Variants in HDAC4 observed in about 807,000 individuals in gnomAD.
The protein encoded by HDAC4 is histone deacetylase 4, also known as histone deacetylase A.
Under a neutral mutation model 135.1 loss-of-function variants are expected in HDAC4, and 16 were observed. That is an observed-to-expected ratio of 0.12 (90% CI 0.08 to 0.18). The LOEUF is 0.18. HDAC4 is among the 10% of genes least tolerant of loss of function. HDAC4 has a pLI of 1.00. For missense variants in HDAC4, 1,143 were observed against 1,511.8 expected, an observed-to-expected ratio of 0.76 and a Z score of 4.05; for synonymous variants, 685 against 653.4, an observed-to-expected ratio of 1.05 and a Z score of -0.74.
chr2:239,146,840 C>A lies in HDAC4; in HGVS notation c.734-2126G>T, dbSNP rs2041799261. Among the ~76,000 whole-genome samples the A allele has an allele frequency of 6.6e-6, 1 of 152,004 alleles. No homozygotes were observed. Among genetic ancestry groups the A allele is most frequent in the Admixed American group, 6.5e-5 (1 of 15,270 alleles). ...TGTCTTCCTCACAGCAGCCTTCTCA[C>A]CATCTGGAATTCTTCTGTCCCCTCA... is the stretch of plus-strand genomic sequence containing the variant. On this transcript the variant is annotated intron_variant, in intron 7 of 26. Transcript: ENST00000543185. The surrounding 1 kb of genome is among the most constrained non-coding windows in gnomAD (Gnocchi z 4.5).
chr2:239,204,669 T>TC (rs2045942310), intron 3 of HDAC4, among the ~76,000 whole-genome samples: 1 of 152,044 alleles, frequency 6.6e-6, no homozygotes, highest in Admixed American at 6.5e-5. Context: ...GGACCAGGCG[T>TC]CCCGGGCCTG....
In HDAC4 at chr2:239,303,888, G is replaced by A. The variant is rs1051638929; in HGVS notation, c.22+48790C>T. Among the ~76,000 whole-genome samples, 7 of 152,218 alleles carry A rather than the reference G, an allele frequency of 4.6e-5. No individual in the cohort carries two copies. The highest frequency in any genetic ancestry group is 2.1e-4 in the South Asian group (1 of 4,814). On this transcript the variant is annotated intron_variant, in intron 2 of 26. Transcript: ENST00000543185. The surrounding 1 kb of genome is among the most constrained non-coding windows in gnomAD (Gnocchi z 5.1). Reference sequence around the variant, plus strand: ...CCACCAGACCCTACAGGCCTGCCCCGTGGCCCTGGGAATGCTTGGCACCAA... The same window carrying A: ...CCACCAGACCCTACAGGCCTGCCCCATGGCCCTGGGAATGCTTGGCACCAA...
chr2:239,136,756 A>G (rs1324294834), intron 9 of HDAC4, among the ~76,000 whole-genome samples: 11 of 152,206 alleles, frequency 7.2e-5, no homozygotes, highest in Admixed American at 6.5e-5. Flanking sequence ...CCAAAGACAT[A>G]TGACTGGCCA....
At chr2:239,243,100 CTCACT>C in intron 2 of HDAC4, among the ~76,000 whole-genome samples, 1 of 152,174 alleles carries the variant, frequency 6.6e-6, no homozygotes, top group African/African-American at 2.4e-5. Context: ...ACCTTAGCAC[CTCACT>C]TCAATATTTC....
intron 2 of HDAC4, among the ~76,000 whole-genome samples, chr2:239,278,825 T>C (rs1327350075): frequency 2.0e-5 from 3 of 152,226 alleles, no homozygotes; most frequent in African/African-American, 7.2e-5. Context: ...TCTTTAAACA[T>C]GAGGACCATT....
intron 1 of HDAC4, among the ~76,000 whole-genome samples, chr2:239,365,593 C>G (rs1386202883): frequency 6.6e-6 from 1 of 152,272 alleles, no homozygotes; most frequent in African/African-American, 2.4e-5. Context: ...CACACACACA[C>G]ACTTGCACAG....
intron 1 of HDAC4, among the ~76,000 whole-genome samples, chr2:239,367,391 C>A (rs1694290462): frequency 6.6e-6 from 1 of 152,146 alleles, no homozygotes; most frequent in African/African-American, 2.4e-5. Flanking sequence ...AAAAATGTTA[C>A]CTATCTATTT....
Position 239,345,948 on chromosome 2 carries a change from C to T in HDAC4, c.22+6730G>A, listed in dbSNP as rs554547953. Among the ~76,000 whole-genome samples, 270 of 142,216 alleles carry T rather than the reference C, an allele frequency of 1.9e-3. 1 individual carries two copies. The highest frequency in any genetic ancestry group is 3.3e-3 in the Non-Finnish European group (217 of 66,366). 93.3% of individuals were successfully genotyped at this position (142,216 alleles called of 152,430 possible). On this transcript the variant is annotated intron_variant, in intron 2 of 26. Coordinates refer to ENST00000543185, the MANE Select transcript of HDAC4 (RefSeq NM_001378414.1). Reference sequence around the variant, plus strand: ...ACTCACTCTAACAAACACACACATCCTAACACACATACACACCGTCTGAAA... The same window carrying T: ...ACTCACTCTAACAAACACACACATCTTAACACACATACACACCGTCTGAAA...
At chr2:239,147,129 A>C (rs532722447) in intron 7 of HDAC4, among the ~76,000 whole-genome samples, 1 of 152,216 alleles carries the variant, frequency 6.6e-6, no homozygotes, top group South Asian at 2.1e-4. Flanking sequence ...CGGGGAGGGG[A>C]TTGAGCAGCA....
intron 19 of HDAC4, among the ~76,000 whole-genome samples, chr2:239,085,041 G>C (rs369278076): frequency 1.9e-4 from 26 of 138,892 alleles, no homozygotes; most frequent in African/African-American, 6.9e-4. Flanking sequence ...GAGACAGACA[G>C]ACACACACAC....
At chr2:239,096,589 AC>A (rs1159226314) in intron 16 of HDAC4, among the ~76,000 whole-genome samples, 3 of 30,508 alleles carry the variant, frequency 9.8e-5, no homozygotes, top group African/African-American at 4.1e-4. Context: ...GAACACCTGC[AC>A]CCCCCACGAA....
intron 2 of HDAC4, among the ~76,000 whole-genome samples, chr2:239,275,493 T>C (rs1330973407): frequency 6.6e-6 from 1 of 152,176 alleles, no homozygotes; most frequent in Non-Finnish European, 1.5e-5. Flanking sequence ...GCAAATGTGA[T>C]GGCAGTGGCG....
At chr2:239,321,480 A>AG (rs2125766811) in intron 2 of HDAC4, among the ~76,000 whole-genome samples, 1 of 141,544 alleles carries the variant, frequency 7.1e-6, no homozygotes, top group East Asian at 1.9e-4. Flanking sequence ...AAAAAAAAAA[A>AG]AAAAAAAAAA....
At chr2:239,127,622 C>T (rs2152855619) in intron 11 of HDAC4, among the ~76,000 whole-genome samples, 1 of 152,340 alleles carries the variant, frequency 6.6e-6, no homozygotes, top group African/African-American at 2.4e-5. Flanking sequence ...ATGACCCTGA[C>T]CCGCTCAAGG....
chr2:239,149,859 G>T (rs948193704), intron 7 of HDAC4, among the ~76,000 whole-genome samples: 5 of 152,320 alleles, frequency 3.3e-5, no homozygotes, highest in African/African-American at 1.2e-4. Context: ...GCTCGTGGAG[G>T]GGGTGGGGAA....
rs546918835 is a variant in HDAC4, at chr2:239,329,925, T to C, written c.22+22753A>G. 5.9e-5 allele frequency among the ~76,000 whole-genome samples: 9 copies of C among 151,534 alleles called. No homozygotes were observed. In the South Asian group the frequency reaches 1.7e-3, roughly 28 times the overall value. ...CCACGGGTGTCTGTGTGATGCCAGCTTCCCTCCCCCAGCCGGAGCAGGAAT... is the reference window on the plus strand; with the variant it reads ...CCACGGGTGTCTGTGTGATGCCAGCCTCCCTCCCCCAGCCGGAGCAGGAAT... On this transcript the variant is annotated intron_variant, in intron 2 of 26. Coordinates refer to ENST00000543185, the MANE Select transcript of HDAC4 (RefSeq NM_001378414.1).
intron 11 of HDAC4, among the ~76,000 whole-genome samples, chr2:239,131,226 T>C (rs2040560416): frequency 6.6e-6 from 1 of 152,176 alleles, no homozygotes; most frequent in Non-Finnish European, 1.5e-5. Context: ...TGGGAGACCC[T>C]GGACCATGGC....
chr2:239,134,775 T>C, intron 9 of HDAC4, 132 bp from the exon 10 acceptor site: 1 of 741,780 alleles, frequency 1.3e-6, no homozygotes, highest in Non-Finnish European at 2.4e-6. Flanking sequence ...ATGTAACAAA[T>C]GAGACAGCAA....
chr2:239,195,380 T>A (rs1184286996), intron 3 of HDAC4, among the ~76,000 whole-genome samples: 1 of 152,148 alleles, frequency 6.6e-6, no homozygotes, highest in Non-Finnish European at 1.5e-5. Flanking sequence ...AAATGGAGCG[T>A]TCACAGGGCA....
Sources: allele counts gnomAD v4.1 joint callset (sites outside exome capture counted in the v4.1 genomes callset), GRCh38; gene constraint gnomAD v4.1.1; non-coding constraint Gnocchi (gnomAD v3.1); transcripts MANE v1.5; gene names NCBI Gene and HGNC (gene_info 2026-07-23, HGNC 2026-07-21).